Variants in CTNNA2 observed in about 807,000 individuals in gnomAD.
CTNNA2 encodes the protein catenin alpha 2.
In CTNNA2, 42 loss-of-function variants were observed where a neutral mutation model predicts 101.0. That is an observed-to-expected ratio of 0.42 (90% CI 0.32 to 0.54). The LOEUF (loss-of-function observed/expected upper bound fraction) is 0.54, where lower values mean the gene tolerates loss of function less well. Ranked by LOEUF, CTNNA2 falls within the 20% of genes least tolerant of loss-of-function variation. The probability of loss-of-function intolerance (pLI) is 0.14; values close to 1 mark genes in which losing one functional copy is unlikely to be tolerated. For synonymous variants in CTNNA2, 450 were observed against 456.4 expected, an observed-to-expected ratio of 0.99 and a Z score of 0.18; for missense variants, 871 against 1,223.1, an observed-to-expected ratio of 0.71 and a Z score of 4.29.
intron 7 of CTNNA2, among the ~76,000 whole-genome samples, chr2:80,043,404 G>A (rs1574621932): frequency 6.6e-6 from 1 of 151,760 alleles, no homozygotes; most frequent in Non-Finnish European, 1.5e-5. Flanking sequence ...CACCATGTTG[G>A]CCAGACTTTT....
intron 4 of CTNNA2, among the ~76,000 whole-genome samples, chr2:79,441,278 T>A (rs1678775295): frequency 6.6e-6 from 1 of 152,314 alleles, no homozygotes; most frequent in Admixed American, 6.5e-5. Context: ...TCAGAAACTG[T>A]ATCAAATTAA....
At chr2:79,630,730 C>G (rs1679634501) in intron 1 of CTNNA2, among the ~76,000 whole-genome samples, 1 of 152,084 alleles carries the variant, frequency 6.6e-6, no homozygotes, top group Admixed American at 6.6e-5. Context: ...TCTTTTGCTC[C>G]TTTGGACATT....
intron 3 of CTNNA2, among the ~76,000 whole-genome samples, chr2:79,828,069 C>T (rs79899055): frequency 0.015 from 2,273 of 151,924 alleles, 35 homozygotes; most frequent in East Asian, 0.039. Context: ...AAATATATTG[C>T]GAAATAGAGT....
intron 2 of CTNNA2, among the ~76,000 whole-genome samples, chr2:79,727,139 T>C (rs2104897639): frequency 6.6e-6 from 1 of 152,332 alleles, no homozygotes; most frequent in East Asian, 1.9e-4. Flanking sequence ...TTGCACATTC[T>C]GTATGAAAAA....
Position 80,302,600 on chromosome 2 carries a change from TCGAATGTGC to T in CTNNA2, c.1057-90608_1057-90600del. On this transcript the variant is annotated intron_variant, in intron 7 of 18. Transcript: ENST00000402739. The surrounding 1 kb of genome is among the most constrained non-coding windows in gnomAD (Gnocchi z 6.4). ...GCCTGGAAGAGCCACGGTGGCAGGCTCGAATGTGCCGTCGTGCTGCCCCTCCCCGCCGTC... is the reference window on the plus strand; with the variant it reads ...GCCTGGAAGAGCCACGGTGGCAGGCTCGTCGTGCTGCCCCTCCCCGCCGTC... The T allele has an allele frequency of 1.2e-6, 2 of 1,606,406 alleles. No individual in the cohort carries two copies. Among genetic ancestry groups the T allele is most frequent in the Non-Finnish European group, 1.7e-6 (2 of 1,178,796 alleles).
At chr2:80,244,587 G>GAAGCT (rs1219608660) in intron 7 of CTNNA2, among the ~76,000 whole-genome samples, 1 of 152,186 alleles carries the variant, frequency 6.6e-6, no homozygotes, top group African/African-American at 2.4e-5. Context: ...ACAGTATAAG[G>GAAGCT]AAGCTAAGTC....
chr2:80,035,692 AG>A (rs1215253736), intron 7 of CTNNA2, among the ~76,000 whole-genome samples: 3 of 152,222 alleles, frequency 2.0e-5, no homozygotes, highest in African/African-American at 7.2e-5. Flanking sequence ...AATAAAAAAA[AG>A]AAGGAAGTAA....
chr2:80,565,438 C>T (rs1197686487), intron 12 of CTNNA2, among the ~76,000 whole-genome samples: 1 of 151,986 alleles, frequency 6.6e-6, no homozygotes, highest in Non-Finnish European at 1.5e-5. Context: ...ACTGGGGAAG[C>T]TCAGTTTGCA....
At chr2:79,472,628 T>C (rs1671011845) in intron 4 of CTNNA2, among the ~76,000 whole-genome samples, 1 of 152,206 alleles carries the variant, frequency 6.6e-6, no homozygotes, top group South Asian at 2.1e-4. Context: ...CAGGGGTGGT[T>C]TGGTAAGCCT....
intron 7 of CTNNA2, among the ~76,000 whole-genome samples, chr2:80,273,574 G>A (rs991717058): frequency 1.3e-5 from 2 of 152,054 alleles, no homozygotes; most frequent in Admixed American, 1.3e-4. Context: ...TGTAAGGCCA[G>A]CTCCACTCCT....
At chr2:79,713,354 G>A (rs1275635105) in intron 2 of CTNNA2, among the ~76,000 whole-genome samples, 1 of 152,232 alleles carries the variant, frequency 6.6e-6, no homozygotes, top group African/African-American at 2.4e-5. Flanking sequence ...GCTGAGGTGG[G>A]AAGGTCGCTT....
chr2:79,265,770 T>C (rs1341469542), intron 2 of CTNNA2, among the ~76,000 whole-genome samples: 1 of 152,200 alleles, frequency 6.6e-6, no homozygotes, highest in African/African-American at 2.4e-5. Context: ...TGTATAATTA[T>C]TAGCATTGTA....
At chr2:80,368,824 T>C (rs1427560270) in intron 7 of CTNNA2, among the ~76,000 whole-genome samples, 1 of 146,588 alleles carries the variant, frequency 6.8e-6, no homozygotes, top group Non-Finnish European at 1.5e-5. Context: ...AGTATGTGTA[T>C]ATATATATGT....
At chr2:79,314,569 C>T (rs967383000) in intron 3 of CTNNA2, among the ~76,000 whole-genome samples, 9 of 152,196 alleles carry the variant, frequency 5.9e-5, no homozygotes, top group Admixed American at 4.6e-4. Context: ...TGAATGGCTC[C>T]AGGTCTAGAA....
intron 1 of CTNNA2, among the ~76,000 whole-genome samples, chr2:79,576,300 G>T (rs1675794974): frequency 6.6e-6 from 1 of 152,286 alleles, no homozygotes; most frequent in Middle Eastern, 3.4e-3. Flanking sequence ...TACAAAAAGA[G>T]TTAAAGGAGA....
chr2:80,606,491 G>A (rs1025788632), intron 16 of CTNNA2, among the ~76,000 whole-genome samples: 1 of 149,904 alleles, frequency 6.7e-6, no homozygotes, highest in Admixed American at 6.7e-5. Context: ...CAAAATAAAC[G>A]GATTAAGTTT....
intron 18 of CTNNA2, among the ~76,000 whole-genome samples, chr2:80,636,032 A>G (rs1443840505): frequency 1.6e-5 from 2 of 128,302 alleles, no homozygotes; most frequent in African/African-American, 6.1e-5. Flanking sequence ...TACACCCATT[A>G]GCCCAGGCAC....
chr2:79,338,782 A>T (rs1266841793), intron 3 of CTNNA2, among the ~76,000 whole-genome samples: 1 of 152,092 alleles, frequency 6.6e-6, no homozygotes, highest in Non-Finnish European at 1.5e-5. Context: ...GGTCACAAAG[A>T]TAAAAATATC....
At chr2:79,815,854 T>C (rs141082321) in intron 3 of CTNNA2, among the ~76,000 whole-genome samples, 2,137 of 152,268 alleles carry the variant, frequency 0.014, 52 homozygotes, top group East Asian at 0.097. Context: ...TTTGGCAGTA[T>C]GGTCATTTTC....
Sources: gnomAD v4.1 joint callset for allele counts (sites outside exome capture counted in the v4.1 genomes callset) on GRCh38, gnomAD v4.1.1 for gene constraint, Gnocchi (gnomAD v3.1) non-coding constraint, MANE v1.5 for transcripts, NCBI Gene and HGNC (gene_info 2026-07-23, HGNC 2026-07-21) for gene names.